Variants in SMIM31 observed in about 807,000 individuals in gnomAD.
SMIM31 encodes human epithelial cell program regulator.
chr4:164,772,585 AT>A (rs755302201), intron 2 of SMIM31, among the ~76,000 whole-genome samples: 4 of 142,770 alleles, frequency 2.8e-5, no homozygotes, highest in African/African-American at 5.1e-5. Context: ...TTTTTATTTT[AT>A]TTTTTTTTTT....
At position 164,803,746 on chromosome 4, in the gene SMIM31, G is replaced by A. The variant is rs1279378082; in HGVS notation, c.*2552G>A. 1 of 152,152 alleles carries A rather than the reference G, an allele frequency of 6.6e-6. No individual in the cohort carries two copies. The highest frequency in any genetic ancestry group is 2.4e-5 in the African/African-American group (1 of 41,364). The allele number at this position is 152,152 out of a possible 1,614,324, so 9.4% of individuals were successfully genotyped here. On this transcript the variant is annotated 3_prime_UTR_variant, in exon 3 of 3. Coordinates refer to ENST00000507311, the MANE Select transcript of SMIM31 (RefSeq NM_001352885.1). ...GGAGGCGGAGGTTGTAGTGAGCCAA[G>A]ATTGCGCCATTGCTCTCCAGCCTGG...
chr4:164,768,665 G>A (rs1732753898), intron 1 of SMIM31, among the ~76,000 whole-genome samples: 1 of 152,160 alleles, frequency 6.6e-6, no homozygotes, highest in Non-Finnish European at 1.5e-5. Context: ...TCTTTAGAGA[G>A]TGTGGGTAAT....
chr4:164,773,286 G>A (rs763656425), intron 2 of SMIM31, among the ~76,000 whole-genome samples: 8 of 152,052 alleles, frequency 5.3e-5, no homozygotes, highest in African/African-American at 1.9e-4. Context: ...TCTGCCATTG[G>A]GTAATTCTGC....
intron 2 of SMIM31, among the ~76,000 whole-genome samples, chr4:164,780,277 A>C (rs763010810): frequency 6.6e-6 from 1 of 152,160 alleles, no homozygotes; most frequent in Non-Finnish European, 1.5e-5. Flanking sequence ...AATACAAAAA[A>C]TTAGCCAGGC....
intron 2 of SMIM31, among the ~76,000 whole-genome samples, chr4:164,785,097 G>A (rs1020819431): frequency 2.0e-5 from 3 of 151,804 alleles, no homozygotes; most frequent in Non-Finnish European, 2.9e-5. Flanking sequence ...GTGGTGGCAT[G>A]CACCTGTAAT....
At chr4:164,791,777 G>A (rs1579073232) in intron 2 of SMIM31, among the ~76,000 whole-genome samples, 1 of 152,044 alleles carries the variant, frequency 6.6e-6, no homozygotes, top group South Asian at 2.1e-4. Flanking sequence ...TGAAGTCTGG[G>A]CTTTAAGTGT....
Position 164,756,587 on chromosome 4 carries a change from AT to A in SMIM31, c.-26+2177del, listed in dbSNP as rs1579057931. Among the ~76,000 whole-genome samples, 3 of 151,708 alleles carry A rather than the reference AT, an allele frequency of 2.0e-5. No homozygotes were observed. In the East Asian group the frequency reaches 5.8e-4, roughly 29 times the overall value. On this transcript the variant is annotated intron_variant, in intron 1 of 2. Transcript: ENST00000507311. ...ACTCTGTCTCAAAAAAAAAATAATA[AT>A]AATATAAACAAATAAAAAGATATAG...
intron 2 of SMIM31, among the ~76,000 whole-genome samples, chr4:164,799,902 TA>T (rs2110968697): frequency 6.6e-6 from 1 of 152,362 alleles, no homozygotes; most frequent in East Asian, 1.9e-4. Context: ...ACATCAGGAC[TA>T]ATGATATAAA....
At chr4:164,793,856 T>C (rs1272206517) in intron 2 of SMIM31, among the ~76,000 whole-genome samples, 3 of 152,036 alleles carry the variant, frequency 2.0e-5, no homozygotes, top group African/African-American at 7.3e-5. Context: ...TAACTCAAAA[T>C]GGGTTAAAGA....
intron 2 of SMIM31, among the ~76,000 whole-genome samples, chr4:164,798,230 A>ATTTTTTTTTTT (rs70952644): frequency 6.8e-6 from 1 of 146,948 alleles, no homozygotes. Flanking sequence ...AATGATTTTT[A>ATTTTTTTTTTT]TTTTTTTTTT....
chr4:164,795,088 A>G (rs969854668), intron 2 of SMIM31, among the ~76,000 whole-genome samples: 1 of 152,198 alleles, frequency 6.6e-6, no homozygotes, highest in African/African-American at 2.4e-5. Flanking sequence ...TGCAAGTTCT[A>G]AATTTGGCTA....
chr4:164,796,051 T>G (rs1381105883), intron 2 of SMIM31, among the ~76,000 whole-genome samples: 3 of 152,204 alleles, frequency 2.0e-5, no homozygotes, highest in Non-Finnish European at 4.4e-5. Flanking sequence ...ATGGGCTAAT[T>G]CTCAGTGGGC....
At chr4:164,772,236 G>A (rs1437499159) in intron 2 of SMIM31, among the ~76,000 whole-genome samples, 5 of 149,990 alleles carry the variant, frequency 3.3e-5, no homozygotes, top group African/African-American at 1.2e-4. Flanking sequence ...GAGGGAGAAG[G>A]GGGAGGGGAG....
intron 2 of SMIM31, among the ~76,000 whole-genome samples, chr4:164,780,271 CA>C (rs1401210836): frequency 6.6e-6 from 1 of 152,056 alleles, no homozygotes; most frequent in Non-Finnish European, 1.5e-5. Flanking sequence ...ACTAAAAATA[CA>C]AAAAATTAGC....
At chr4:164,793,633 C>A (rs1733135317) in intron 2 of SMIM31, among the ~76,000 whole-genome samples, 2 of 152,072 alleles carry the variant, frequency 1.3e-5, no homozygotes, top group African/African-American at 2.4e-5. Context: ...TGTGTGAATG[C>A]AGGGAAAAAG....
intron 2 of SMIM31, among the ~76,000 whole-genome samples, chr4:164,778,050 A>G (rs1009809409): frequency 6.6e-6 from 1 of 152,220 alleles, no homozygotes; most frequent in African/African-American, 2.4e-5. Context: ...GTTTAAGAAG[A>G]TCCCTACCGT....
At chr4:164,768,945 G>A (rs1389225511) in intron 1 of SMIM31, among the ~76,000 whole-genome samples, 1 of 152,100 alleles carries the variant, frequency 6.6e-6, no homozygotes, top group Non-Finnish European at 1.5e-5. Flanking sequence ...GAAGTTTGAG[G>A]AATTAATATT....
In SMIM31 at chr4:164,783,232, A is replaced by AAAAAC. The variant is rs147369524; in HGVS notation, c.112+12677_112+12678insAAAAC. Among the ~76,000 whole-genome samples the AAAAAC allele has an allele frequency of 8.7e-3, 1,109 of 127,230 alleles. 105 individuals are homozygous for AAAAAC. Among genetic ancestry groups the AAAAAC allele is most frequent in the African/African-American group, 0.028 (942 of 33,350 alleles). The allele number at this position is 127,230 out of a possible 152,430, so 83.5% of individuals were successfully genotyped here. ...GACTCTGTCTCAAAAAAAAAAAAAA[A>AAAAAC]GGAATTTCTGGCCGGGTGCTGTGGC... is the stretch of plus-strand genomic sequence containing the variant. On this transcript the variant is annotated intron_variant, in intron 2 of 2. Transcript: ENST00000507311.
At chr4:164,795,561 A>C (rs1733179522) in intron 2 of SMIM31, among the ~76,000 whole-genome samples, 1 of 13,200 alleles carries the variant, frequency 7.6e-5, no homozygotes, top group African/African-American at 3.5e-4. Context: ...TCCATCTCAA[A>C]AAAAAAAAAA....
Sources: gnomAD v4.1 joint callset for allele counts (sites outside exome capture counted in the v4.1 genomes callset) on GRCh38, gnomAD v4.1.1 for gene constraint, MANE v1.5 for transcripts, NCBI Gene and HGNC (gene_info 2026-07-23, HGNC 2026-07-21) for gene names.